RFX3: variants seen among roughly 807,000 people sequenced by gnomAD.
RFX3 encodes transcription factor RFX3.
Under a neutral mutation model 98.6 loss-of-function variants are expected in RFX3, and 14 were observed. That is an observed-to-expected ratio of 0.14 (90% CI 0.09 to 0.22). RFX3 has a LOEUF of 0.22. Among genes scored for constraint, RFX3 ranks in the 10% least tolerant of loss-of-function variants. RFX3 has a pLI of 1.00. For missense variants in RFX3, 639 were observed against 926.9 expected, an observed-to-expected ratio of 0.69 and a Z score of 4.03; for synonymous variants, 383 against 328.4, an observed-to-expected ratio of 1.17 and a Z score of -1.80.
At chr9:3,279,375 G>A (rs1023608046) in intron 7 of RFX3, among the ~76,000 whole-genome samples, 1 of 151,740 alleles carries the variant, frequency 6.6e-6, no homozygotes, top group Non-Finnish European at 1.5e-5. Flanking sequence ...GATTCACAGA[G>A]CTTGAATAAA....
intron 14 of RFX3, among the ~76,000 whole-genome samples, chr9:3,250,686 T>A (rs959199474): frequency 6.6e-6 from 1 of 152,040 alleles, no homozygotes; most frequent in African/African-American, 2.4e-5. Context: ...GTAAATATCA[T>A]TAAAAAGATA....
intron 15 of RFX3, among the ~76,000 whole-genome samples, chr9:3,237,224 C>G (rs1228590505): frequency 6.6e-6 from 1 of 152,180 alleles, no homozygotes; most frequent in Non-Finnish European, 1.5e-5. Flanking sequence ...TTTTCCCACT[C>G]TATTTTGTTG....
chr9:3,324,036 A>G (rs533523610), intron 4 of RFX3: 12 of 455,236 alleles, frequency 2.6e-5, no homozygotes, highest in African/African-American at 1.8e-4. Flanking sequence ...GATTTAGTGT[A>G]GGAAACAGAC....
intron 1 of RFX3, among the ~76,000 whole-genome samples, chr9:3,503,866 A>C (rs1816320218): frequency 1.3e-5 from 2 of 151,928 alleles, no homozygotes; most frequent in Non-Finnish European, 1.5e-5. Flanking sequence ...TCAAATTTAA[A>C]TTAGCCATAA....
intron 15 of RFX3, among the ~76,000 whole-genome samples, chr9:3,229,388 A>T (rs1818191833): frequency 6.6e-6 from 1 of 152,224 alleles, no homozygotes; most frequent in African/African-American, 2.4e-5. Flanking sequence ...GAAACTCCAA[A>T]ATTGAGTGTA....
chr9:3,524,865 ACACACACACAC>A (rs1819079353), intron 1 of RFX3, among the ~76,000 whole-genome samples: 2 of 142,780 alleles, frequency 1.4e-5, no homozygotes, highest in Admixed American at 1.4e-4. Context: ...ACACACACAC[ACACACACACAC>A]ACCAAAGAAG....
intron 1 of RFX3, among the ~76,000 whole-genome samples, chr9:3,423,199 A>T (rs1425403581): frequency 6.6e-6 from 1 of 152,196 alleles, no homozygotes; most frequent in Admixed American, 6.5e-5. Context: ...GAATGTTTTC[A>T]AACGGTACAA....
chr9:3,470,508 T>C (rs796225324), intron 1 of RFX3, among the ~76,000 whole-genome samples: 1 of 148,424 alleles, frequency 6.7e-6, no homozygotes, highest in African/African-American at 2.5e-5. Context: ...TTTTTTTTTT[T>C]AGTAGAGACG....
At chr9:3,321,576 G>C (rs1463680179) in intron 4 of RFX3, among the ~76,000 whole-genome samples, 2 of 152,142 alleles carry the variant, frequency 1.3e-5, no homozygotes, top group African/African-American at 2.4e-5. Context: ...GAATTTGTAA[G>C]AGTGGTCTAT....
chr9:3,466,241 G>C (rs547160228), intron 1 of RFX3, among the ~76,000 whole-genome samples: 1 of 152,014 alleles, frequency 6.6e-6, no homozygotes, highest in Non-Finnish European at 1.5e-5. Context: ...GAAAAACAGA[G>C]ACTCAGGAAG....
chr9:3,505,314 A>T (rs1816902320), intron 1 of RFX3, among the ~76,000 whole-genome samples: 4 of 98,382 alleles, frequency 4.1e-5, no homozygotes, highest in African/African-American at 1.9e-4. Context: ...ATAAATATAT[A>T]TTAATGTATA....
intron 3 of RFX3, among the ~76,000 whole-genome samples, chr9:3,331,554 G>A (rs948811468): frequency 3.3e-5 from 5 of 152,068 alleles, no homozygotes; most frequent in African/African-American, 1.2e-4. Flanking sequence ...TGGTGTATAT[G>A]TTTTCAGATC....
At chr9:3,379,273 G>A (rs1482998675) in intron 2 of RFX3, among the ~76,000 whole-genome samples, 3 of 152,172 alleles carry the variant, frequency 2.0e-5, no homozygotes, top group Non-Finnish European at 2.9e-5. Context: ...GTGCATAAAG[G>A]AAAGTTAATC....
chr9:3,369,465 A>G (rs555953626), intron 2 of RFX3, among the ~76,000 whole-genome samples: 99 of 152,324 alleles, frequency 6.5e-4, no homozygotes, highest in African/African-American at 2.4e-3. Flanking sequence ...AATTTTGTCC[A>G]CAAACACAAA....
intron 3 of RFX3, among the ~76,000 whole-genome samples, chr9:3,334,781 GGGAGACT>G (rs1832972806): frequency 6.6e-6 from 1 of 152,050 alleles, no homozygotes; most frequent in African/African-American, 2.4e-5. Flanking sequence ...TTGGAAATGG[GGGAGACT>G]TTCAAACACT....
At chr9:3,229,839 T>TATAAAGAG (rs1818252698) in intron 15 of RFX3, among the ~76,000 whole-genome samples, 1 of 152,218 alleles carries the variant, frequency 6.6e-6, no homozygotes, top group East Asian at 1.9e-4. Context: ...AGGAGTATTT[T>TATAAAGAG]TTTCATCTAC....
At chr9:3,359,653 A>C (rs1836182208) in intron 2 of RFX3, among the ~76,000 whole-genome samples, 1 of 152,202 alleles carries the variant, frequency 6.6e-6, no homozygotes, top group African/African-American at 2.4e-5. Flanking sequence ...AAAACACACT[A>C]TATTTAATAA....
intron 1 of RFX3, among the ~76,000 whole-genome samples, chr9:3,411,063 T>C (rs1167217105): frequency 3.9e-5 from 6 of 152,208 alleles, no homozygotes; most frequent in African/African-American, 1.2e-4. Flanking sequence ...TATTTACATA[T>C]TATATTCAAA....
chr9:3,414,980 A>ATATGTGTGTG (rs1842837821), intron 1 of RFX3, among the ~76,000 whole-genome samples: 1 of 134,938 alleles, frequency 7.4e-6, no homozygotes, highest in South Asian at 2.2e-4. Flanking sequence ...ATATACACTT[A>ATATGTGTGTG]TATATACTCA....
Sources: gnomAD v4.1 joint callset for allele counts (sites outside exome capture counted in the v4.1 genomes callset) on GRCh38, gnomAD v4.1.1 for gene constraint, MANE v1.5 for transcripts, NCBI Gene and HGNC (gene_info 2026-07-23, HGNC 2026-07-21) for gene names.